HS3ST4: variants seen among roughly 807,000 people sequenced by gnomAD.
HS3ST4 encodes heparan sulfate glucosamine 3-O-sulfotransferase 4.
In HS3ST4, 17 loss-of-function variants were observed where a neutral mutation model predicts 29.2. The observed-to-expected ratio is 0.58, with a 90% CI of 0.40 to 0.87. HS3ST4 has a LOEUF of 0.87. Ranked by LOEUF, HS3ST4 falls within the 40% of genes least tolerant of loss-of-function variation. The pLI is 0.00. For synonymous variants in HS3ST4, 314 were observed against 285.7 expected (o/e 1.10, Z -1.00); for missense variants, 627 against 634.5 (o/e 0.99, Z 0.13).
chr16:25,847,008 C>T (rs1967473211), intron 1 of HS3ST4, among the ~76,000 whole-genome samples: 1 of 128,934 alleles, frequency 7.8e-6, no homozygotes, highest in Non-Finnish European at 1.7e-5. Context: ...CTCCCATCAA[C>T]ACGAGTTTTT....
chr16:25,889,954 G>T (rs12443851), intron 1 of HS3ST4, among the ~76,000 whole-genome samples: 69,838 of 151,752 alleles, frequency 0.46, 16,353 homozygotes, highest in Non-Finnish European at 0.49. Flanking sequence ...TGTGCCTTTC[G>T]CCTTCCACCA....
At chr16:25,820,540 C>T (rs1405652930) in intron 1 of HS3ST4, among the ~76,000 whole-genome samples, 1 of 151,884 alleles carries the variant, frequency 6.6e-6, no homozygotes, top group African/African-American at 2.4e-5. Context: ...ACTACAGGTG[C>T]ATGCCACCCT....
At chr16:25,778,129 C>T (rs1001192647) in intron 1 of HS3ST4, among the ~76,000 whole-genome samples, 8 of 148,908 alleles carry the variant, frequency 5.4e-5, no homozygotes, top group Admixed American at 2.0e-4. Context: ...TACACACATA[C>T]ATACTAAAAT....
At chr16:25,869,378 AG>A (rs1349524096) in intron 1 of HS3ST4, among the ~76,000 whole-genome samples, 4 of 152,314 alleles carry the variant, frequency 2.6e-5, no homozygotes, top group African/African-American at 9.6e-5. Flanking sequence ...TCAGGGGCTT[AG>A]GAAGCAGACT....
chr16:25,705,760 G>T (rs890980416), intron 1 of HS3ST4, among the ~76,000 whole-genome samples: 2 of 152,210 alleles, frequency 1.3e-5, no homozygotes, highest in African/African-American at 2.4e-5. Flanking sequence ...TCTGCACCTT[G>T]TGGGACTTGT....
At chr16:25,797,149 A>C (rs1345527404) in intron 1 of HS3ST4, among the ~76,000 whole-genome samples, 1 of 152,236 alleles carries the variant, frequency 6.6e-6, no homozygotes, top group East Asian at 1.9e-4. Flanking sequence ...AAAATATCAC[A>C]GTGAAGAAAT....
chr16:26,074,831 G>A (rs1898641397), intron 1 of HS3ST4, among the ~76,000 whole-genome samples: 2 of 152,122 alleles, frequency 1.3e-5, no homozygotes, highest in African/African-American at 2.4e-5. Flanking sequence ...CCGACTCTGA[G>A]CTTCAAGCAA....
At chr16:26,008,140 G>A (rs1438388771) in intron 1 of HS3ST4, among the ~76,000 whole-genome samples, 1 of 152,158 alleles carries the variant, frequency 6.6e-6, no homozygotes, top group Admixed American at 6.5e-5. Context: ...CATGTACACA[G>A]GAATCTTCAA....
At chr16:25,812,490 C>T (rs1031694465) in intron 1 of HS3ST4, among the ~76,000 whole-genome samples, 3 of 152,146 alleles carry the variant, frequency 2.0e-5, no homozygotes, top group Non-Finnish European at 4.4e-5. Flanking sequence ...CATGCCTTTT[C>T]AGGTTTAATT....
intron 1 of HS3ST4, among the ~76,000 whole-genome samples, chr16:25,862,288 G>T (rs1354844513): frequency 6.6e-6 from 1 of 152,000 alleles, no homozygotes; most frequent in Non-Finnish European, 1.5e-5. Flanking sequence ...CACCTCTCAG[G>T]TTCAAGCTAT....
intron 1 of HS3ST4, among the ~76,000 whole-genome samples, chr16:25,693,989 T>C (rs1354382246): frequency 6.6e-6 from 1 of 152,238 alleles, no homozygotes. Flanking sequence ...CCAGCTTTCC[T>C]GCCAGCCATA....
At chr16:25,805,549 A>G (rs1040926863) in intron 1 of HS3ST4, among the ~76,000 whole-genome samples, 1 of 151,590 alleles carries the variant, frequency 6.6e-6, no homozygotes, top group Non-Finnish European at 1.5e-5. Flanking sequence ...GGTATCGGCA[A>G]CTTTCACGGT....
intron 1 of HS3ST4, among the ~76,000 whole-genome samples, chr16:26,010,982 A>G (rs1969304884): frequency 6.6e-6 from 1 of 152,196 alleles, no homozygotes; most frequent in Non-Finnish European, 1.5e-5. Flanking sequence ...TGAGGAATAA[A>G]TGAGCTAACG....
intron 1 of HS3ST4, among the ~76,000 whole-genome samples, chr16:25,836,365 A>T (rs1967356545): frequency 6.6e-6 from 1 of 152,156 alleles, no homozygotes; most frequent in South Asian, 2.1e-4. Context: ...CTGTTAACCA[A>T]GGAAGGAAAG....
At chr16:25,960,645 C>T (rs1968785560) in intron 1 of HS3ST4, among the ~76,000 whole-genome samples, 1 of 152,214 alleles carries the variant, frequency 6.6e-6, no homozygotes, top group South Asian at 2.1e-4. Flanking sequence ...TGGCTACAGA[C>T]TTGCTCTATG....
intron 1 of HS3ST4, among the ~76,000 whole-genome samples, chr16:26,085,916 T>C (rs556647756): frequency 5.8e-5 from 8 of 138,424 alleles, no homozygotes; most frequent in Admixed American, 3.6e-4. Context: ...ATAATAACAA[T>C]AATAATAAAA....
intron 1 of HS3ST4, among the ~76,000 whole-genome samples, chr16:25,921,994 A>G (rs990393277): frequency 2.0e-5 from 3 of 152,016 alleles, no homozygotes; most frequent in Admixed American, 2.0e-4. Flanking sequence ...GGCTCAAGTG[A>G]TTCTCCTGCC....
In HS3ST4 at chr16:25,692,336, GC is replaced by G; in HGVS notation, c.-81del. 1 of 163,476 alleles carries G rather than the reference GC, an allele frequency of 6.1e-6. No homozygotes were observed. The highest frequency in any genetic ancestry group is 1.2e-5 in the Non-Finnish European group (1 of 81,378). 10.1% of individuals were successfully genotyped at this position (163,476 alleles called of 1,614,324 possible). ...GGCGGCGGCGGCGGCGGCGGCGGCG[GC>G]GGGGGCGGCGGCTGAAACCATGTCC... On this transcript the variant is annotated 5_prime_UTR_variant, in exon 1 of 2. It removes the in-frame stop codon of an upstream open reading frame in the 5' UTR. Coordinates refer to ENST00000331351, the MANE Select transcript of HS3ST4 (RefSeq NM_006040.3).
intron 1 of HS3ST4, among the ~76,000 whole-genome samples, chr16:25,996,373 CA>C (rs1273862888): frequency 6.6e-5 from 10 of 152,106 alleles, no homozygotes; most frequent in African/African-American, 2.4e-4. Flanking sequence ...TAGACAAATG[CA>C]TATAATTTTA....
Sources: gnomAD v4.1 joint callset for allele counts (sites outside exome capture counted in the v4.1 genomes callset) on GRCh38, gnomAD v4.1.1 for gene constraint, MANE v1.5 for transcripts, NCBI Gene and HGNC (gene_info 2026-07-23, HGNC 2026-07-21) for gene names.